Variants in KDM1A observed in about 807,000 individuals in gnomAD.
KDM1A encodes lysine-specific histone demethylase 1A.
A neutral mutation model predicts 109.4 loss-of-function variants in KDM1A; 49 were observed. That is an observed-to-expected ratio of 0.45 (90% CI 0.36 to 0.57). The LOEUF (loss-of-function observed/expected upper bound fraction) is 0.57. KDM1A is among the 20% of genes least tolerant of loss of function. KDM1A has a pLI of 0.00. For missense variants in KDM1A, 668 were observed against 1,116.6 expected, an observed-to-expected ratio of 0.60 and a Z score of 5.73; for synonymous variants, 380 against 415.4, an observed-to-expected ratio of 0.91 and a Z score of 1.04.
At chr1:23,063,667 A>G (rs773631069) in intron 9 of KDM1A, among the ~76,000 whole-genome samples, 9 of 152,140 alleles carry the variant, frequency 5.9e-5, no homozygotes, top group Non-Finnish European at 1.0e-4. Context: ...CCCCTTAATT[A>G]TAGTTATAAT....
At chr1:23,062,765 G>C (rs1360808179) in intron 9 of KDM1A, among the ~76,000 whole-genome samples, 2 of 152,070 alleles carry the variant, frequency 1.3e-5, no homozygotes, top group Non-Finnish European at 2.9e-5. Context: ...CCACAACAAA[G>C]TCTTCCTTAG....
intron 19 of KDM1A, chr1:23,081,984 G>A (rs952357004): frequency 5.8e-6 from 3 of 513,170 alleles, no homozygotes; most frequent in African/African-American, 1.9e-5. Flanking sequence ...GCCAAGCCCT[G>A]TGTAGATCTC....
intron 1 of KDM1A, 105 bp downstream of exon 1, chr1:23,020,052 C>G: frequency 1.7e-6 from 2 of 1,203,038 alleles, no homozygotes; most frequent in Non-Finnish European, 2.2e-6. Context: ...TGCGACCACT[C>G]AGACCTCCCC....
At chr1:23,057,405 C>A in intron 7 of KDM1A, 79 bp from the exon 8 acceptor site, 1 of 1,011,588 alleles carries the variant, frequency 9.9e-7, no homozygotes, top group Non-Finnish European at 1.6e-6. Context: ...TTATAGAAGA[C>A]AGAGCCGTGG....
In KDM1A at chr1:23,042,442, T is replaced by TATTATTATTATTATTA. The variant is rs61297026; in HGVS notation, c.518-1985_518-1984insATTATTATTATTATTA. On this transcript the variant is annotated intron_variant, in intron 2 of 20. Transcript: ENST00000400181. ...TTTAAAAATCTATGAAATATATTATTTTTTTTTTTTTTTTTTTTTTTTTTT... is the reference window on the plus strand; with the variant it reads ...TTTAAAAATCTATGAAATATATTATTATTATTATTATTATTATTTTTTTTTTTTTTTTTTTTTTTTT... 2.1e-3 allele frequency among the ~76,000 whole-genome samples: 37 copies of TATTATTATTATTATTA among 17,736 alleles called. 3 individuals are homozygous for TATTATTATTATTATTA. Among genetic ancestry groups the TATTATTATTATTATTA allele is most frequent in the South Asian group, 9.7e-3 (3 of 308 alleles). 11.6% of individuals were successfully genotyped at this position (17,736 alleles called of 152,430 possible). A position where few individuals can be genotyped will look rare whatever the true frequency, so the allele number is the denominator to read the frequency against.
chr1:23,052,098 A>G (rs555416087), intron 4 of KDM1A, among the ~76,000 whole-genome samples: 2 of 152,166 alleles, frequency 1.3e-5, no homozygotes, highest in African/African-American at 4.8e-5. Context: ...CTTTTTACTT[A>G]GATTTGAGCG....
chr1:23,053,976 A>G (rs992265187), intron 5 of KDM1A, 137 bp downstream of exon 5: 4 of 616,606 alleles, frequency 6.5e-6, no homozygotes, highest in Non-Finnish European at 1.2e-5. Context: ...CTGTGCAAAA[A>G]TAAGTCTTAT....
chr1:23,020,069 C>T, intron 1 of KDM1A, 122 bp downstream of exon 1: 5 of 1,048,522 alleles, frequency 4.8e-6, no homozygotes, highest in Non-Finnish European at 6.3e-6. Flanking sequence ...CCCCTTGTAT[C>T]GCTGCGCACG....
Position 23,083,652 on chromosome 1 carries a change from T to G in KDM1A, c.*288T>G, listed in dbSNP as rs577405654. 31 of 243,928 alleles carry G rather than the reference T, an allele frequency of 1.3e-4. 1 individual carries two copies. In the East Asian group the frequency reaches 2.4e-3, roughly 19 times the overall value. The allele number at this position is 243,928 out of a possible 1,614,324, so 15.1% of individuals were successfully genotyped here. ...CCTTGGTGTGTGGGGTTTTTGTTTT[T>G]TTTTTATATTTTGAGAATAAAACTT... On this transcript the variant is annotated 3_prime_UTR_variant, in exon 21 of 21. Transcript: ENST00000400181.
At chr1:23,043,883 G>T (rs1642427331) in intron 2 of KDM1A, among the ~76,000 whole-genome samples, 1 of 152,140 alleles carries the variant, frequency 6.6e-6, no homozygotes. Flanking sequence ...GTTTTATTTA[G>T]GAAGCACTGG....
At chr1:23,076,401 A>T (rs1643466406) in intron 15 of KDM1A, among the ~76,000 whole-genome samples, 1 of 151,946 alleles carries the variant, frequency 6.6e-6, no homozygotes, top group Admixed American at 6.6e-5. Flanking sequence ...GATTACCTTC[A>T]TCTAGTTTGA....
At chr1:23,073,707 AT>A (rs1048117642) in intron 15 of KDM1A, among the ~76,000 whole-genome samples, 1 of 152,124 alleles carries the variant, frequency 6.6e-6, no homozygotes, top group Non-Finnish European at 1.5e-5. Context: ...TATCACTGTA[AT>A]TTTGTTTATT....
rs959669747 is a variant in KDM1A, at chr1:23,066,158, A to G, written c.1179+87A>G. ...TTGAAACCTAAATCTTTTCCTTTCA[A>G]AGATCCTCTCCATCATACATTCACA... On this transcript the variant is annotated intron_variant, in intron 10 of 20. Transcript: ENST00000400181. 2.3e-5 allele frequency: 21 copies of G among 904,136 alleles called. No homozygotes were observed. In the Admixed American group the frequency reaches 2.9e-4, roughly 12 times the overall value. The allele number at this position is 904,136 out of a possible 1,614,324, so 56.0% of individuals were successfully genotyped here.
chr1:23,077,938 T>C (rs1255274053), intron 16 of KDM1A, among the ~76,000 whole-genome samples: 1 of 152,238 alleles, frequency 6.6e-6, no homozygotes, highest in African/African-American at 2.4e-5. Flanking sequence ...CTGTGCTTGC[T>C]ATGGGGATAG....
In KDM1A at chr1:23,052,976, T is replaced by C. The variant is rs117174958; in HGVS notation, c.712-785T>C. Among the ~76,000 whole-genome samples the C allele has an allele frequency of 2.0e-3, 309 of 152,352 alleles. 6 individuals are homozygous for C. The East Asian group carries it at 0.046, about 23-fold the overall frequency. ...ATCTATTTTATATTTCTTCTTGTTA[T>C]CTTGGAGCTAAACTCATTATCTTAT... is the stretch of plus-strand genomic sequence containing the variant. On this transcript the variant is annotated intron_variant, in intron 4 of 20. Transcript: ENST00000400181.
intron 8 of KDM1A, 125 bp downstream of exon 8, chr1:23,057,690 A>G (rs1261426486): frequency 8.1e-6 from 5 of 613,990 alleles, no homozygotes; most frequent in South Asian, 2.3e-5. Context: ...AGTGAGAGGT[A>G]TAGCAGTATG....
At chr1:23,068,771 G>A (rs1643225123) in intron 11 of KDM1A, 90 bp downstream of exon 11, 1 of 1,188,062 alleles carries the variant, frequency 8.4e-7, no homozygotes. Flanking sequence ...AGTCTTGTTT[G>A]AGGTAGTTTT....
At chr1:23,068,750 G>T in intron 11 of KDM1A, 69 bp downstream of exon 11, 6 of 1,325,370 alleles carry the variant, frequency 4.5e-6, no homozygotes, top group Non-Finnish European at 5.0e-6. Context: ...TATGTTTTAA[G>T]TTTTTCTGCA....
chr1:23,019,907 C>T lies in KDM1A; in HGVS notation c.311C>T (p.Thr104Ile). The change falls in exon 1 of 21, where the codon ACT (threonine) becomes ATT (isoleucine). Residue 104 changes from threonine (T) to isoleucine (I), a missense_variant. Coordinates refer to ENST00000400181, the MANE Select transcript of KDM1A (RefSeq NM_001009999.3). Reference protein sequence around the residue: ...ATPMETGIAETPEGRRTSRRK... With the variant: ...ATPMETGIAEIPEGRRTSRRK... ...CCCATGGAAACTGGAATAGCAGAGA[C>T]TCCGGAGGGGCGTCGGACCAGCCGG... 1 of 1,573,886 alleles carries T rather than the reference C, an allele frequency of 6.4e-7. No homozygotes were observed. Among genetic ancestry groups the T allele is most frequent in the Non-Finnish European group, 8.6e-7 (1 of 1,162,480 alleles).
Sources: allele counts gnomAD v4.1 joint callset (sites outside exome capture counted in the v4.1 genomes callset), GRCh38; gene constraint gnomAD v4.1.1; transcripts MANE v1.5; gene names NCBI Gene and HGNC (gene_info 2026-07-23, HGNC 2026-07-21).